STARD13: variants seen among roughly 807,000 people sequenced by gnomAD.
STARD13 encodes stAR-related lipid transfer protein 13.
STARD13 carries 62 observed loss-of-function variants against 106.4 expected under a neutral mutation model. The observed-to-expected ratio is 0.58, with a 90% CI of 0.48 to 0.72. The LOEUF is 0.72. Ranked by LOEUF, STARD13 falls within the 30% of genes least tolerant of loss-of-function variation. The pLI, the probability that STARD13 is intolerant of heterozygous loss-of-function variation, is 0.00. For missense variants in STARD13, 1,387 were observed against 1,424.0 expected, an observed-to-expected ratio of 0.97 and a Z score of 0.42; for synonymous variants, 565 against 553.0, an observed-to-expected ratio of 1.02 and a Z score of -0.31.
At chr13:33,117,941 G>A in intron 8 of STARD13, 124 bp downstream of exon 8, 1 of 1,503,498 alleles carries the variant, frequency 6.7e-7, no homozygotes, top group East Asian at 2.3e-5. Flanking sequence ...GAGGAGAGCA[G>A]GATTACATAC....
chr13:33,154,118 G>T (rs1007860637), intron 3 of STARD13, among the ~76,000 whole-genome samples: 2 of 152,190 alleles, frequency 1.3e-5, no homozygotes, highest in African/African-American at 4.8e-5. Flanking sequence ...AACTCCATGA[G>T]GGTGGGGCCT....
intron 1 of STARD13, among the ~76,000 whole-genome samples, chr13:33,307,795 G>A (rs138725593): frequency 3.3e-5 from 5 of 152,128 alleles, no homozygotes; most frequent in African/African-American, 7.2e-5. Context: ...CATATCCTAC[G>A]CATGTATCCT....
At chr13:33,267,117 C>T (rs1202095527) in intron 1 of STARD13, among the ~76,000 whole-genome samples, 1 of 152,204 alleles carries the variant, frequency 6.6e-6, no homozygotes, top group Non-Finnish European at 1.5e-5. Context: ...TGTCAGCACA[C>T]AGCTAAACTC....
chr13:33,486,459 C>T, the STARD13 span, among the ~76,000 whole-genome samples: 2 of 152,188 alleles, frequency 1.3e-5, no homozygotes, highest in South Asian at 4.2e-4. Context: ...ACAACAATAT[C>T]TAATTATAAA....
chr13:33,526,323 T>C, the STARD13 span, among the ~76,000 whole-genome samples: 1 of 152,102 alleles, frequency 6.6e-6, no homozygotes, highest in South Asian at 2.1e-4. Context: ...AATTTTTCTT[T>C]CAAGAAGATA....
intron 1 of STARD13, among the ~76,000 whole-genome samples, chr13:33,217,289 C>G (rs192403868): frequency 2.6e-5 from 4 of 152,328 alleles, no homozygotes; most frequent in Admixed American, 2.6e-4. Context: ...CAACTAAGTA[C>G]TGACATGCCA....
At chr13:33,239,433 A>G (rs953386377) in intron 1 of STARD13, among the ~76,000 whole-genome samples, 2 of 152,128 alleles carry the variant, frequency 1.3e-5, no homozygotes, top group East Asian at 1.9e-4. Context: ...TCTATTTATA[A>G]TCTTTTTTAG....
chr13:33,109,570 A>G lies in STARD13; in HGVS notation c.3047+303T>C, dbSNP rs558133233. ...TTTGGCAGAAAGTGCAACCGGACAA[A>G]CAGCAGCTTTTCTGGGCCGTCTGCT... On this transcript the variant is annotated intron_variant, in intron 12 of 13. Coordinates refer to ENST00000336934, the MANE Select transcript of STARD13 (RefSeq NM_178006.4). Among the ~76,000 whole-genome samples the G allele has an allele frequency of 2.0e-5, 3 of 152,344 alleles. No individual in the cohort carries two copies. In the East Asian group the frequency reaches 5.8e-4, roughly 29 times the overall value.
At chr13:33,247,973 T>TG (rs765763218) in intron 1 of STARD13, among the ~76,000 whole-genome samples, 95 of 152,354 alleles carry the variant, frequency 6.2e-4, no homozygotes, top group African/African-American at 2.3e-3. Flanking sequence ...CCTCATCTTC[T>TG]GGGGGGTCCT....
the STARD13 span, among the ~76,000 whole-genome samples, chr13:33,534,778 C>T: frequency 1.3e-5 from 2 of 152,202 alleles, no homozygotes; most frequent in South Asian, 4.2e-4. Flanking sequence ...AACTTATTTT[C>T]CTTTTATTAT....
At chr13:33,669,561 A>G in the STARD13 span, among the ~76,000 whole-genome samples, 1 of 140,952 alleles carries the variant, frequency 7.1e-6, no homozygotes, top group African/African-American at 2.7e-5. Flanking sequence ...TTTGAGACAG[A>G]ATCTCACTCT....
chr13:33,500,988 T>A, the STARD13 span, among the ~76,000 whole-genome samples: 10 of 148,446 alleles, frequency 6.7e-5, no homozygotes, highest in South Asian at 1.9e-3. Flanking sequence ...AGTATAACTA[T>A]CGGAAAAATA....
the STARD13 span, among the ~76,000 whole-genome samples, chr13:33,429,313 A>G: frequency 6.6e-6 from 1 of 152,202 alleles, no homozygotes; most frequent in African/African-American, 2.4e-5. Context: ...AATGTGGTAC[A>G]GGGCCGGGCG....
chr13:33,250,795 G>A (rs147025991), intron 1 of STARD13, among the ~76,000 whole-genome samples: 3 of 152,180 alleles, frequency 2.0e-5, no homozygotes, highest in Non-Finnish European at 4.4e-5. Flanking sequence ...CAGATGTCTT[G>A]CCCCTCCTCC....
At chr13:33,146,629 T>G (rs893071926) in intron 3 of STARD13, among the ~76,000 whole-genome samples, 1 of 152,166 alleles carries the variant, frequency 6.6e-6, no homozygotes, top group African/African-American at 2.4e-5. Flanking sequence ...TGCAAGTGAG[T>G]GACATCAGTG....
intron 1 of STARD13, among the ~76,000 whole-genome samples, chr13:33,177,551 A>G (rs1486513710): frequency 1.3e-5 from 2 of 152,186 alleles, no homozygotes; most frequent in Non-Finnish European, 2.9e-5. Context: ...AGCTGGGGAT[A>G]TCACTGGATT....
chr13:33,351,255 G>T (rs2078076412), upstream of STARD13, among the ~76,000 whole-genome samples: 1 of 152,130 alleles, frequency 6.6e-6, no homozygotes, highest in African/African-American at 2.4e-5. Flanking sequence ...ACCTAAAATA[G>T]ATTTACATAC....
chr13:33,676,495 G>T, the STARD13 span, among the ~76,000 whole-genome samples: 1 of 152,168 alleles, frequency 6.6e-6, no homozygotes, highest in Admixed American at 6.5e-5. Flanking sequence ...TTAAACAGTG[G>T]TGAGTTTTTT....
intron 1 of STARD13, among the ~76,000 whole-genome samples, chr13:33,283,839 T>C (rs933074040): frequency 1.3e-5 from 2 of 152,184 alleles, no homozygotes; most frequent in Admixed American, 6.5e-5. Flanking sequence ...AATGGAAAAA[T>C]AACCCTCATT....
Sources: gnomAD v4.1 joint callset for allele counts (sites outside exome capture counted in the v4.1 genomes callset) on GRCh38, gnomAD v4.1.1 for gene constraint, MANE v1.5 for transcripts, NCBI Gene and HGNC (gene_info 2026-07-23, HGNC 2026-07-21) for gene names.